The following TSNAXIP1 variants were observed in gnomAD, a reference collection of about 807,000 sequenced individuals.
The protein encoded by TSNAXIP1 is translin-associated factor X-interacting protein 1.
A neutral mutation model predicts 84.8 loss-of-function variants in TSNAXIP1; 89 were observed. That is an observed-to-expected ratio of 1.05 (90% CI 0.88 to 1.25). The LOEUF is 1.25. Among genes scored for constraint, TSNAXIP1 ranks in the 50% most tolerant of loss-of-function variants. TSNAXIP1 has a pLI of 0.00. For missense variants in TSNAXIP1, 874 were observed against 887.6 expected (o/e 0.98, Z 0.20); for synonymous variants, 347 against 335.2 (o/e 1.04, Z -0.39).
chr16:67,817,799 T>C (rs962931582), intron 2 of TSNAXIP1, among the ~76,000 whole-genome samples: 1 of 151,612 alleles, frequency 6.6e-6, no homozygotes, highest in African/African-American at 2.4e-5. Flanking sequence ...GGCAGGAGAA[T>C]TGCTTGAACT....
At chr16:67,820,159 TG>T (rs2056925407) in intron 2 of TSNAXIP1, among the ~76,000 whole-genome samples, 1 of 151,050 alleles carries the variant, frequency 6.6e-6, no homozygotes, top group Non-Finnish European at 1.5e-5. Context: ...GGTTTCACCG[TG>T]TTAGCCAGGA....
intron 6 of TSNAXIP1, 119 bp downstream of exon 6, chr16:67,824,898 TC>T (rs1567769371): frequency 7.5e-6 from 9 of 1,200,682 alleles, no homozygotes; most frequent in Non-Finnish European, 1.1e-5. Flanking sequence ...GCCACCACCT[TC>T]CCCCAGAGCC....
intron 1 of TSNAXIP1, among the ~76,000 whole-genome samples, chr16:67,813,387 A>C (rs954050094): frequency 6.6e-6 from 1 of 151,828 alleles, no homozygotes; most frequent in African/African-American, 2.4e-5. Flanking sequence ...ACTGCATCTC[A>C]AAATAAATAA....
rs2056977067 is a variant in TSNAXIP1 at position 67,820,766 on chromosome 16, G to T, written c.148-73G>T. On this transcript the variant is annotated intron_variant, in intron 2 of 15. Coordinates refer to ENST00000561639, the MANE Select transcript of TSNAXIP1 (RefSeq NM_001288990.3). Reference sequence around the variant, plus strand: ...CAAAAAAAAAAAGTCAGGACTGGGGGAGGAGAGATGGAGAGAAACATTAGG... The same window carrying T: ...CAAAAAAAAAAAGTCAGGACTGGGGTAGGAGAGATGGAGAGAAACATTAGG... 9.4e-6 allele frequency: 11 copies of T among 1,168,518 alleles called. No homozygotes were observed. In the South Asian group the frequency reaches 1.7e-4, roughly 18 times the overall value. 72.4% of individuals were successfully genotyped at this position (1,168,518 alleles called of 1,614,324 possible).
intron 2 of TSNAXIP1, among the ~76,000 whole-genome samples, chr16:67,816,918 G>C (rs1489862389): frequency 6.6e-6 from 1 of 151,510 alleles, no homozygotes; most frequent in Non-Finnish European, 1.5e-5. Flanking sequence ...TCTCCCGGTA[G>C]AAACAGTAGA....
intron 2 of TSNAXIP1, among the ~76,000 whole-genome samples, chr16:67,816,969 A>G (rs1264288426): frequency 6.7e-6 from 1 of 148,224 alleles, no homozygotes; most frequent in Non-Finnish European, 1.5e-5. Flanking sequence ...TTTTAATATT[A>G]ATTAATTTAT....
intron 1 of TSNAXIP1, among the ~76,000 whole-genome samples, chr16:67,811,203 C>CT (rs1555565978): frequency 6.6e-6 from 1 of 151,842 alleles, no homozygotes; most frequent in Non-Finnish European, 1.5e-5. Flanking sequence ...CGCCCAAGCC[C>CT]AAGCTTTTTG....
Position 67,825,825 on chromosome 16 carries a change from C to A in TSNAXIP1, c.973C>A (p.Leu325Ile). ...FEMQEKTNKD[L>I]QEQLDTLRAS... ...AATGCAGGAGAAGACCAACAAGGAT[C>A]TTCAGGAGCAGGTGCTGGCAGGCAG... is the stretch of plus-strand genomic sequence containing the variant. Residue 325 changes from leucine to isoleucine, a missense_variant, in exon 8 of 16, where the codon CTT becomes ATT. Leu to Ile is a conservative substitution (Grantham distance 5, BLOSUM62 2). Coordinates refer to ENST00000561639, the MANE Select transcript of TSNAXIP1 (RefSeq NM_001288990.3). 6.2e-7 allele frequency: 1 copy of A among 1,614,174 alleles called. No individual in the cohort carries two copies. The highest frequency in any genetic ancestry group is 8.5e-7 in the Non-Finnish European group (1 of 1,180,032).
At chr16:67,816,838 A>T (rs939507904) in intron 2 of TSNAXIP1, among the ~76,000 whole-genome samples, 1 of 151,916 alleles carries the variant, frequency 6.6e-6, no homozygotes, top group Admixed American at 6.6e-5. Context: ...AACCTAGCCG[A>T]GACCCGGCCC....
rs1224629864 is a variant in TSNAXIP1 at position 67,809,643 on chromosome 16, T to A, written c.47+2447T>A. 7.5e-3 allele frequency among the ~76,000 whole-genome samples: 1,123 copies of A among 148,772 alleles called. 14 individuals carry two copies. Among genetic ancestry groups the A allele is most frequent in the African/African-American group, 0.027 (1,067 of 39,700 alleles). ...TCCGTCTCAAAAAAAAATAAATAAA[T>A]AAATAAATAAATAATACAGGCCGGG... On this transcript the variant is annotated intron_variant, in intron 1 of 15. Coordinates refer to ENST00000561639, the MANE Select transcript of TSNAXIP1 (RefSeq NM_001288990.3).
In TSNAXIP1 at chr16:67,809,461, AAAAG is replaced by A. The variant is rs765361930; in HGVS notation, c.47+2273_47+2276del. On this transcript the variant is annotated intron_variant, in intron 1 of 15. Coordinates refer to ENST00000561639, the MANE Select transcript of TSNAXIP1 (RefSeq NM_001288990.3). ...CAGCAGAGTGAGACTCCATCTCAAA[AAAAG>A]AAAGAAAATCAGCCAGGCATGGTGA... Among the ~76,000 whole-genome samples the A allele has an allele frequency of 1.4e-3, 206 of 149,950 alleles. 2 individuals carry two copies. The highest frequency in any genetic ancestry group is 0.01 in the Middle Eastern group (3 of 286).
chr16:67,828,051 A>G lies in TSNAXIP1; in HGVS notation c.*58A>G, dbSNP rs1165893231. The G allele has an allele frequency of 1.3e-6, 2 of 1,586,508 alleles. No homozygotes were observed. Among genetic ancestry groups the G allele is most frequent in the Admixed American group, 3.4e-5 (2 of 58,294 alleles). On this transcript the variant is annotated 3_prime_UTR_variant, in exon 16 of 16. Coordinates refer to ENST00000561639, the MANE Select transcript of TSNAXIP1 (RefSeq NM_001288990.3). ...GCTAACCCCTAGCTTTTAATATAAAAGTGTTTGTCTGAATCCATGCCATTC... is the reference window on the plus strand; with the variant it reads ...GCTAACCCCTAGCTTTTAATATAAAGGTGTTTGTCTGAATCCATGCCATTC...
At chr16:67,810,981 TG>T (rs752159117) in intron 1 of TSNAXIP1, among the ~76,000 whole-genome samples, 6,952 of 151,460 alleles carry the variant, frequency 0.046, 470 homozygotes, top group African/African-American at 0.15. Flanking sequence ...TCATGTCTTT[TG>T]TTTTTTTTTT....
intron 1 of TSNAXIP1, chr16:67,807,649 G>A (rs2055576782): frequency 3.8e-6 from 1 of 260,870 alleles, no homozygotes; most frequent in Admixed American, 5.0e-5. Context: ...GTGTTTCTTT[G>A]TTCGTTTGTT....
In TSNAXIP1 at chr16:67,825,215, G is replaced by A. The variant is rs779520933; in HGVS notation, c.757G>A (p.Ala253Thr). Residue 253 changes from alanine (A) to threonine (T), a missense_variant, in exon 7 of 16, where the codon GCA (alanine) becomes ACA (threonine). By Grantham distance (58) the Ala-to-Thr change is moderately conservative (BLOSUM62 0). Transcript: ENST00000561639. ...GCGAGATGCCTGTAAGATCCTCATC[G>A]CAGACCTGAATGAGCTGCGGTACCA... ...SERDACKILIADLNELRYQRE... is the reference protein window; with the variant it reads ...SERDACKILITDLNELRYQRE... 15 of 1,614,148 alleles carry A rather than the reference G, an allele frequency of 9.3e-6. No individual in the cohort carries two copies. The highest frequency in any genetic ancestry group is 5.5e-5 in the South Asian group (5 of 91,086).
At chr16:67,815,512 CA>C (rs961140803) in intron 2 of TSNAXIP1, among the ~76,000 whole-genome samples, 4 of 151,822 alleles carry the variant, frequency 2.6e-5, no homozygotes, top group African/African-American at 7.3e-5. Flanking sequence ...ATTTTTTTGG[CA>C]GGGGGGGACA....
chr16:67,809,236 A>G (rs1214116192), intron 1 of TSNAXIP1, among the ~76,000 whole-genome samples: 3 of 145,602 alleles, frequency 2.1e-5, no homozygotes, highest in African/African-American at 7.7e-5. Context: ...TTGGGAGGCC[A>G]AGGTGCGCGG....
Position 67,825,907 on chromosome 16 carries a change from T to C in TSNAXIP1, c.985-10T>C. 1.9e-6 allele frequency: 3 copies of C among 1,614,004 alleles called. No homozygotes were observed. The highest frequency in any genetic ancestry group is 1.3e-5 in the African/African-American group (1 of 75,022). ...AGGTGGGGGGCCAGGGCCAATGTCCTTGCCCACAGCTGGACACCCTGAGAG... is the reference window on the plus strand; with the variant it reads ...AGGTGGGGGGCCAGGGCCAATGTCCCTGCCCACAGCTGGACACCCTGAGAG... On this transcript the variant is annotated splice_polypyrimidine_tract_variant and intron_variant, in intron 8 of 15. Transcript: ENST00000561639.
chr16:67,821,768 T>A (rs2057076260), intron 4 of TSNAXIP1, among the ~76,000 whole-genome samples: 1 of 151,348 alleles, frequency 6.6e-6, no homozygotes, highest in Admixed American at 6.6e-5. Context: ...GGCAGGAGGA[T>A]CGCTTGAGGT....
Sources: allele counts gnomAD v4.1 joint callset (sites outside exome capture counted in the v4.1 genomes callset), GRCh38; gene constraint gnomAD v4.1.1; transcripts MANE v1.5; gene names NCBI Gene and HGNC (gene_info 2026-07-23, HGNC 2026-07-21).